The following ZNF618 variants were observed in gnomAD, a reference collection of about 807,000 sequenced individuals.
ZNF618 encodes the protein zinc finger protein 618, also known as neural precursor cell expressed, developmentally down-regulated 10.
A neutral mutation model predicts 103.0 loss-of-function variants in ZNF618; 34 were observed. The ratio of observed to expected loss-of-function variants is 0.33; its 90% CI spans 0.25 to 0.44. The LOEUF is 0.44. Among genes scored for constraint, ZNF618 ranks in the 20% least tolerant of loss-of-function variants. ZNF618 has a pLI of 1.00. For synonymous variants in ZNF618, 551 were observed against 542.2 expected, an observed-to-expected ratio of 1.02 and a Z score of -0.23; for missense variants, 1,059 against 1,295.4, an observed-to-expected ratio of 0.82 and a Z score of 2.80.
intron 10 of ZNF618, 135 bp downstream of exon 10, chr9:114,016,919 T>A: frequency 1.5e-6 from 1 of 667,286 alleles, no homozygotes; most frequent in Non-Finnish European, 2.6e-6. Context: ...AGTCTTTAGG[T>A]ATTATGTCTG....
intron 9 of ZNF618, among the ~76,000 whole-genome samples, chr9:114,011,668 A>G (rs1275907557): frequency 1.3e-5 from 2 of 152,264 alleles, no homozygotes; most frequent in East Asian, 1.9e-4. Context: ...TGATTGCCCA[A>G]GTAAAGCTCT....
chr9:114,013,812 G>A (rs559545420), intron 9 of ZNF618, among the ~76,000 whole-genome samples: 6 of 152,296 alleles, frequency 3.9e-5, no homozygotes, highest in East Asian at 3.9e-4. Context: ...TCATAGTGTG[G>A]CTCCAGACCA....
In ZNF618 at chr9:114,054,740, C is replaced by T. The variant is rs1299439977; in HGVS notation, c.*4573C>T. On this transcript the variant is annotated 3_prime_UTR_variant, in exon 15 of 15. Transcript: ENST00000374126. ...CGTTCCCCTCCTGGTTTTGCCTTTTCAGGGTTTTCTGGGGGATTTTGTTGT... is the reference window on the plus strand; with the variant it reads ...CGTTCCCCTCCTGGTTTTGCCTTTTTAGGGTTTTCTGGGGGATTTTGTTGT... The T allele has an allele frequency of 4.6e-5, 7 of 152,882 alleles. No homozygotes were observed. Among genetic ancestry groups the T allele is most frequent in the African/African-American group, 1.7e-4 (7 of 41,572 alleles). The allele number at this position is 152,882 out of a possible 1,614,324, so 9.5% of individuals were successfully genotyped here. A position where few individuals can be genotyped will look rare whatever the true frequency, so the allele number is the denominator to read the frequency against.
At chr9:113,937,450 T>G (rs942257916) in intron 1 of ZNF618, among the ~76,000 whole-genome samples, 5 of 152,236 alleles carry the variant, frequency 3.3e-5, no homozygotes, top group Non-Finnish European at 4.4e-5. Context: ...CAGACCTTAC[T>G]CATATTTCAC....
intron 1 of ZNF618, among the ~76,000 whole-genome samples, chr9:113,935,124 G>A (rs924181395): frequency 2.0e-5 from 3 of 152,194 alleles, no homozygotes; most frequent in East Asian, 1.9e-4. Flanking sequence ...GGCTGGCATG[G>A]GGCTGCCGAC....
chr9:114,029,110 C>A, intron 11 of ZNF618, 138 bp downstream of exon 11: 2 of 1,271,252 alleles, frequency 1.6e-6, no homozygotes, highest in Non-Finnish European at 2.1e-6. Context: ...AAATCTGAGT[C>A]CCAGCTCTGC....
chr9:113,967,110 G>A (rs1837481104), intron 1 of ZNF618, among the ~76,000 whole-genome samples: 1 of 152,220 alleles, frequency 6.6e-6, no homozygotes, highest in African/African-American at 2.4e-5. Context: ...TTAAAAGTGT[G>A]TGTGACAAGC....
intron 10 of ZNF618, 40 bp downstream of exon 10, chr9:114,016,824 C>G: frequency 6.4e-7 from 1 of 1,551,484 alleles, no homozygotes; most frequent in Non-Finnish European, 8.8e-7. Context: ...GTTGGGGGAC[C>G]CGGGACAGGG....
chr9:114,045,152 T>A (rs1845547469), intron 13 of ZNF618, among the ~76,000 whole-genome samples: 1 of 152,098 alleles, frequency 6.6e-6, no homozygotes, highest in South Asian at 2.1e-4. Flanking sequence ...TCCCATTCTG[T>A]CGGTTGTCTT....
At chr9:113,913,838 G>A (rs529065207) in intron 1 of ZNF618, among the ~76,000 whole-genome samples, 9 of 152,168 alleles carry the variant, frequency 5.9e-5, no homozygotes, top group African/African-American at 2.2e-4. Flanking sequence ...CTTAGAAGTT[G>A]AGGCTTGTTG....
intron 10 of ZNF618, among the ~76,000 whole-genome samples, chr9:114,020,478 G>T (rs1477072764): frequency 6.6e-6 from 1 of 152,102 alleles, no homozygotes; most frequent in African/African-American, 2.4e-5. Flanking sequence ...TTTAGGGCTT[G>T]TTTAGTTTCT....
At chr9:113,948,099 C>G (rs1208263726) in intron 1 of ZNF618, among the ~76,000 whole-genome samples, 2 of 152,170 alleles carry the variant, frequency 1.3e-5, no homozygotes, top group African/African-American at 4.8e-5. Flanking sequence ...CCGCCCTCAT[C>G]TTTATTGGAT....
rs1838396691 is a variant in ZNF618 at position 113,975,622 on chromosome 9, G to A, written c.77+6462G>A. On this transcript the variant is annotated intron_variant, in intron 2 of 14. Transcript: ENST00000374126. ...GCTTATTGGAGCATTTCAGATTTCT[G>A]GGTTTTGGATTAGGGATGTTGAACT... Among the ~76,000 whole-genome samples the A allele has an allele frequency of 2.6e-5, 4 of 152,208 alleles. No individual in the cohort carries two copies. In the South Asian group the frequency reaches 8.3e-4, roughly 32 times the overall value.
At position 114,051,583 on chromosome 9, in the gene ZNF618, C is replaced by T. The variant is rs1025376327; in HGVS notation, c.*1416C>T. 6.5e-6 allele frequency: 1 copy of T among 152,762 alleles called. No homozygotes were observed. The highest frequency in any genetic ancestry group is 1.5e-5 in the Non-Finnish European group (1 of 68,182). 9.5% of individuals were successfully genotyped at this position (152,762 alleles called of 1,614,324 possible). A position where few individuals can be genotyped will look rare whatever the true frequency, so the allele number is the denominator to read the frequency against. On this transcript the variant is annotated 3_prime_UTR_variant, in exon 15 of 15. Coordinates refer to ENST00000374126, the MANE Select transcript of ZNF618 (RefSeq NM_001318042.2). Reference sequence around the variant, plus strand: ...ACAGCCTCTCCTCACTTCCCAGGACCCTGAGGCTTCCAGGAGCTCTGCTGC... The same window carrying T: ...ACAGCCTCTCCTCACTTCCCAGGACTCTGAGGCTTCCAGGAGCTCTGCTGC...
intron 2 of ZNF618, among the ~76,000 whole-genome samples, chr9:113,970,175 C>CAG (rs140088372): frequency 1.9e-4 from 28 of 149,902 alleles, no homozygotes; most frequent in Non-Finnish European, 2.8e-4. Flanking sequence ...AAGAGAGAGC[C>CAG]AGAGAGAGAG....
intron 1 of ZNF618, among the ~76,000 whole-genome samples, chr9:113,944,642 T>G (rs1259315023): frequency 6.6e-6 from 1 of 152,216 alleles, no homozygotes; most frequent in African/African-American, 2.4e-5. Flanking sequence ...AAGCCGCATG[T>G]GTAACTTGAA....
At chr9:114,001,412 G>GT (rs1207884017) in intron 4 of ZNF618, among the ~76,000 whole-genome samples, 2 of 152,160 alleles carry the variant, frequency 1.3e-5, no homozygotes, top group African/African-American at 4.8e-5. Context: ...CCTACAGGGA[G>GT]TATATGGCCA....
chr9:113,976,366 A>G (rs1215681710), intron 2 of ZNF618, among the ~76,000 whole-genome samples: 2 of 152,234 alleles, frequency 1.3e-5, no homozygotes, highest in African/African-American at 4.8e-5. Context: ...CTGAAGCACA[A>G]TATTGAGAGT....
chr9:114,033,550 C>T (rs1588415917), intron 12 of ZNF618, among the ~76,000 whole-genome samples: 1 of 152,126 alleles, frequency 6.6e-6, no homozygotes, highest in African/African-American at 2.4e-5. Flanking sequence ...TCTGGCGCCC[C>T]CTGACGCCTG....
Sources: allele counts gnomAD v4.1 joint callset (sites outside exome capture counted in the v4.1 genomes callset), GRCh38; gene constraint gnomAD v4.1.1; transcripts MANE v1.5; gene names NCBI Gene and HGNC (gene_info 2026-07-23, HGNC 2026-07-21).